Variants in GULP1 observed in about 807,000 individuals in gnomAD.
The protein encoded by GULP1 is PTB domain-containing engulfment adapter protein 1.
In GULP1, 19 loss-of-function variants were observed where a neutral mutation model predicts 40.9. That is an observed-to-expected ratio of 0.46 (90% CI 0.32 to 0.68). GULP1 has a LOEUF of 0.68. GULP1 is among the 30% of genes least tolerant of loss of function. The pLI, the probability that GULP1 is intolerant of heterozygous loss-of-function variation, is 0.03. For synonymous variants in GULP1, 119 were observed against 117.6 expected, an observed-to-expected ratio of 1.01 and a Z score of -0.08; for missense variants, 312 against 362.2, an observed-to-expected ratio of 0.86 and a Z score of 1.12.
intron 7 of GULP1, among the ~76,000 whole-genome samples, chr2:188,556,706 T>C (rs1278195041): frequency 6.6e-6 from 1 of 152,300 alleles, no homozygotes; most frequent in African/African-American, 2.4e-5. Context: ...ATTTACTTTT[T>C]GTGGGGAGGA....
At chr2:188,424,362 G>A (rs182183118) in intron 2 of GULP1, among the ~76,000 whole-genome samples, 1 of 151,958 alleles carries the variant, frequency 6.6e-6, no homozygotes, top group East Asian at 1.9e-4. Flanking sequence ...ACACAGAGTA[G>A]TGTAACGAGG....
intron 9 of GULP1, among the ~76,000 whole-genome samples, chr2:188,580,519 C>G (rs1031124331): frequency 4.1e-5 from 6 of 146,206 alleles, no homozygotes; most frequent in Non-Finnish European, 6.0e-5. Flanking sequence ...CGCCACTGCA[C>G]TCCAGCCTGG....
chr2:188,478,663 ATC>A (rs1458880957), intron 3 of GULP1, among the ~76,000 whole-genome samples: 1 of 152,086 alleles, frequency 6.6e-6, no homozygotes, highest in Non-Finnish European at 1.5e-5. Flanking sequence ...GGCCCAGAAA[ATC>A]TAATACTTTT....
chr2:188,560,704 C>G (rs902777518), intron 7 of GULP1, among the ~76,000 whole-genome samples: 2 of 152,148 alleles, frequency 1.3e-5, no homozygotes, highest in African/African-American at 2.4e-5. Flanking sequence ...AAGCATGATG[C>G]TGGCCTCTAC....
At chr2:188,429,375 C>T (rs1311424493) in intron 2 of GULP1, among the ~76,000 whole-genome samples, 1 of 152,052 alleles carries the variant, frequency 6.6e-6, no homozygotes. Flanking sequence ...TGGTGCATGC[C>T]TGTAGTCCCA....
intron 2 of GULP1, among the ~76,000 whole-genome samples, chr2:188,408,370 A>G (rs1026832270): frequency 1.3e-5 from 2 of 152,188 alleles, no homozygotes; most frequent in African/African-American, 4.8e-5. Flanking sequence ...AGGTAACTAT[A>G]CTTTTATCAG....
chr2:188,366,312 A>C (rs1450568393), intron 1 of GULP1, among the ~76,000 whole-genome samples: 2 of 152,180 alleles, frequency 1.3e-5, no homozygotes, highest in Non-Finnish European at 2.9e-5. Flanking sequence ...CTGGACTAAG[A>C]ATACCAGAAA....
intron 4 of GULP1, among the ~76,000 whole-genome samples, chr2:188,514,080 TGTGC>T (rs1053746300): frequency 2.0e-5 from 3 of 148,654 alleles, no homozygotes; most frequent in Admixed American, 6.7e-5. Context: ...TGTGTGTGTG[TGTGC>T]GCCCTGCCAC....
At chr2:188,305,536 G>T (rs1053082348) in intron 1 of GULP1, among the ~76,000 whole-genome samples, 1 of 152,134 alleles carries the variant, frequency 6.6e-6, no homozygotes, top group African/African-American at 2.4e-5. Context: ...GTCCTGCTTG[G>T]GCAGGTAAAG....
chr2:188,512,341 T>C (rs986172664), intron 4 of GULP1, among the ~76,000 whole-genome samples: 1 of 152,102 alleles, frequency 6.6e-6, no homozygotes, highest in African/African-American at 2.4e-5. Flanking sequence ...ACTTTTATAT[T>C]ATAAAAAGTA....
intron 2 of GULP1, among the ~76,000 whole-genome samples, chr2:188,453,772 G>T (rs1478223031): frequency 6.6e-6 from 1 of 152,210 alleles, no homozygotes; most frequent in Non-Finnish European, 1.5e-5. Context: ...AAGGGTAAGG[G>T]TGGGGAATAA....
chr2:188,364,781 TATATAC>T (rs1396246604), intron 1 of GULP1, among the ~76,000 whole-genome samples: 2 of 144,296 alleles, frequency 1.4e-5, no homozygotes, highest in African/African-American at 4.9e-5. Flanking sequence ...ATACATGATA[TATATAC>T]ATATACATAT....
chr2:188,330,163 A>C (rs1326791259), intron 1 of GULP1, among the ~76,000 whole-genome samples: 1 of 152,148 alleles, frequency 6.6e-6, no homozygotes, highest in Non-Finnish European at 1.5e-5. Flanking sequence ...TTCACTGTAA[A>C]TATATGGTGG....
At chr2:188,329,940 T>G (rs1375213907) in intron 1 of GULP1, among the ~76,000 whole-genome samples, 1 of 152,130 alleles carries the variant, frequency 6.6e-6, no homozygotes, top group Non-Finnish European at 1.5e-5. Flanking sequence ...AGGAAGAGTT[T>G]AGGGAGAAAG....
chr2:188,445,810 A>G (rs531451121), intron 2 of GULP1, among the ~76,000 whole-genome samples: 6 of 152,266 alleles, frequency 3.9e-5, no homozygotes, highest in African/African-American at 7.2e-5. Flanking sequence ...TATTAATCCT[A>G]GGAGTTGAAG....
chr2:188,294,350 A>T (rs1284234628), intron 1 of GULP1: 1 of 152,196 alleles, frequency 6.6e-6, no homozygotes, highest in Non-Finnish European at 1.5e-5. Context: ...ATCAAAAGTG[A>T]TCCTGATAAA....
chr2:188,595,366 T>C lies in GULP1; in HGVS notation c.*1355T>C, dbSNP rs904641144. ...ACTCATTGGAATTTTCTTCAAGTGT[T>C]AAAGGTACATTTTCACTAGGAAAAG... On this transcript the variant is annotated 3_prime_UTR_variant, in exon 12 of 12. Coordinates refer to ENST00000409830, the MANE Select transcript of GULP1 (RefSeq NM_016315.4). 1.3e-5 allele frequency: 2 copies of C among 152,118 alleles called. No homozygotes were observed. Among genetic ancestry groups the C allele is most frequent in the Non-Finnish European group, 3.0e-5 (2 of 67,718 alleles). 9.4% of individuals were successfully genotyped at this position (152,118 alleles called of 1,614,324 possible).
At chr2:188,477,146 A>G (rs2061080933) in intron 2 of GULP1, among the ~76,000 whole-genome samples, 1 of 152,106 alleles carries the variant, frequency 6.6e-6, no homozygotes, top group African/African-American at 2.4e-5. Context: ...CTCAATATGT[A>G]CCAAATACTG....
chr2:188,570,817 A>G (rs1698865462), intron 9 of GULP1, among the ~76,000 whole-genome samples: 1 of 152,186 alleles, frequency 6.6e-6, no homozygotes, highest in Non-Finnish European at 1.5e-5. Flanking sequence ...CATCTGTACT[A>G]CTGATATTCT....
Sources: gnomAD v4.1 joint callset for allele counts (sites outside exome capture counted in the v4.1 genomes callset) on GRCh38, gnomAD v4.1.1 for gene constraint, MANE v1.5 for transcripts, NCBI Gene and HGNC (gene_info 2026-07-23, HGNC 2026-07-21) for gene names.